TENM4: variants seen among roughly 807,000 people sequenced by gnomAD.
The protein encoded by TENM4 is teneurin-4.
Under a neutral mutation model 243.3 loss-of-function variants are expected in TENM4, and 82 were observed. The ratio of observed to expected loss-of-function variants is 0.34; its 90% CI spans 0.28 to 0.40. The LOEUF is 0.40. Among genes scored for constraint, TENM4 ranks in the 10% least tolerant of loss-of-function variants. The pLI, the probability that TENM4 is intolerant of heterozygous loss-of-function variation, is 1.00. For synonymous variants in TENM4, 1,412 were observed against 1,456.3 expected (o/e 0.97, Z 0.69); for missense variants, 3,138 against 3,673.3 (o/e 0.85, Z 3.77).
intron 27 of TENM4, among the ~76,000 whole-genome samples, chr11:78,704,159 C>CTATATATATATATATATATA (rs56026926): frequency 6.1e-4 from 65 of 106,006 alleles, no homozygotes; most frequent in Non-Finnish European, 9.2e-4. Context: ...GTATGTGTGT[C>CTATATATATATATATATATA]TATATATATA....
intron 6 of TENM4, among the ~76,000 whole-genome samples, chr11:79,055,417 T>A (rs1859917954): frequency 1.3e-5 from 2 of 152,016 alleles, no homozygotes; most frequent in South Asian, 4.2e-4. Flanking sequence ...AATTTTTGTA[T>A]TTTTAGTAGA....
intron 16 of TENM4, among the ~76,000 whole-genome samples, chr11:78,781,509 C>T (rs892067378): frequency 6.6e-6 from 1 of 152,178 alleles, no homozygotes. Flanking sequence ...TCTCTTTGGC[C>T]TTTCTCTGAT....
intron 25 of TENM4, among the ~76,000 whole-genome samples, chr11:78,714,326 G>C (rs1859471612): frequency 6.6e-6 from 1 of 152,138 alleles, no homozygotes; most frequent in Non-Finnish European, 1.5e-5. Flanking sequence ...GGCCCTGGCA[G>C]GTTTGTCATT....
intron 4 of TENM4, among the ~76,000 whole-genome samples, chr11:79,113,392 GGTGTGTGTGTGTGTGT>G (rs113144339): frequency 6.9e-6 from 1 of 145,082 alleles, no homozygotes; most frequent in Non-Finnish European, 1.5e-5. Context: ...CTATTGGATT[GGTGTGTGTGTGTGTGT>G]GTGTGTGTGT....
At chr11:79,105,813 T>C (rs1019721387) in intron 4 of TENM4, among the ~76,000 whole-genome samples, 4 of 152,266 alleles carry the variant, frequency 2.6e-5, no homozygotes, top group African/African-American at 9.6e-5. Flanking sequence ...GTAACAGTGT[T>C]GCTGGCTGGT....
chr11:78,748,611 G>C (rs776183948), intron 19 of TENM4, among the ~76,000 whole-genome samples: 1 of 152,196 alleles, frequency 6.6e-6, no homozygotes, highest in African/African-American at 2.4e-5. Flanking sequence ...AGAGCCAACT[G>C]GGCGTGGCTT....
intron 6 of TENM4, among the ~76,000 whole-genome samples, chr11:78,944,509 G>A (rs1408441490): frequency 1.3e-5 from 2 of 152,144 alleles, no homozygotes; most frequent in Non-Finnish European, 2.9e-5. Context: ...TAGCTTGAAG[G>A]GCTAGGCTAA....
chr11:79,244,924 G>A (rs1157256141), intron 2 of TENM4, among the ~76,000 whole-genome samples: 1 of 152,176 alleles, frequency 6.6e-6, no homozygotes. Flanking sequence ...TTCTTTAATG[G>A]TGGGCTCACC....
intron 2 of TENM4, among the ~76,000 whole-genome samples, chr11:79,293,105 A>G (rs140680178): frequency 6.6e-6 from 1 of 151,864 alleles, no homozygotes; most frequent in Admixed American, 6.6e-5. Flanking sequence ...ATGGGTGACA[A>G]CCATTTTTTG....
At chr11:79,060,866 C>T (rs1314364370) in intron 6 of TENM4, among the ~76,000 whole-genome samples, 3 of 152,180 alleles carry the variant, frequency 2.0e-5, no homozygotes, top group Non-Finnish European at 4.4e-5. Context: ...GAAGTGACCA[C>T]ACTGTGATGT....
chr11:79,392,372 C>T (rs558346924), intron 1 of TENM4, among the ~76,000 whole-genome samples: 39 of 152,304 alleles, frequency 2.6e-4, no homozygotes, highest in Admixed American at 9.8e-4. Flanking sequence ...TTAGGAGATA[C>T]GCACGTTGTG....
intron 25 of TENM4, among the ~76,000 whole-genome samples, chr11:78,713,793 C>T (rs1859457270): frequency 6.6e-6 from 1 of 152,130 alleles, no homozygotes; most frequent in Non-Finnish European, 1.5e-5. Context: ...TAGTAGATAT[C>T]TCTTATTAAG....
rs1857722826 is a variant in TENM4, at chr11:78,978,671, C to T, written c.494-75148G>A. The stretch of plus-strand genomic sequence containing the variant: ...CTAATAAGAAGGCTGGTCACTCTGA[C>T]CAAGGGCACTAGATTGGGAAAAAAA... On this transcript the variant is annotated intron_variant, in intron 6 of 33. Coordinates refer to ENST00000278550, the MANE Select transcript of TENM4 (RefSeq NM_001098816.3). 2.6e-5 allele frequency among the ~76,000 whole-genome samples: 4 copies of T among 152,080 alleles called. No individual in the cohort carries two copies. In the South Asian group the frequency reaches 6.2e-4, roughly 24 times the overall value.
chr11:79,212,071 C>T (rs191751408), intron 3 of TENM4, among the ~76,000 whole-genome samples: 2 of 152,316 alleles, frequency 1.3e-5, no homozygotes, highest in East Asian at 1.9e-4. Flanking sequence ...CCTAAACAGA[C>T]GACTCAGTCT....
intron 1 of TENM4, among the ~76,000 whole-genome samples, chr11:79,422,454 T>C (rs1266351323): frequency 1.3e-5 from 2 of 152,106 alleles, no homozygotes; most frequent in African/African-American, 2.4e-5. Flanking sequence ...TCATCTATAA[T>C]ACCTGTCACC....
At chr11:79,179,415 G>A (rs1863238093) in intron 3 of TENM4, among the ~76,000 whole-genome samples, 1 of 152,202 alleles carries the variant, frequency 6.6e-6, no homozygotes, top group South Asian at 2.1e-4. Flanking sequence ...TTGTGACAGA[G>A]TCCCAACAAA....
At chr11:79,300,537 C>T (rs1327684867) in intron 1 of TENM4, among the ~76,000 whole-genome samples, 1 of 152,162 alleles carries the variant, frequency 6.6e-6, no homozygotes, top group Non-Finnish European at 1.5e-5. Context: ...CTGCTCCTCA[C>T]CCGAGTGTAT....
At position 79,246,005 on chromosome 11, in the gene TENM4, G is replaced by A. The variant is rs182163630; in HGVS notation, c.-264-30096C>T. 4.2e-5 allele frequency among the ~76,000 whole-genome samples: 6 copies of A among 144,504 alleles called. No individual in the cohort carries two copies. The South Asian group carries it at 1.1e-3, about 27-fold the overall frequency. The allele number at this position is 144,504 out of a possible 152,430, so 94.8% of individuals were successfully genotyped here. On this transcript the variant is annotated intron_variant, in intron 2 of 33. Coordinates refer to ENST00000278550, the MANE Select transcript of TENM4 (RefSeq NM_001098816.3). ...AAAACAGGAGATCCTAAATCTAAAA[G>A]AGAGAGTGAGTGAGAGAGAAAAAGA...
chr11:79,212,656 G>A (rs1565252320), intron 3 of TENM4, among the ~76,000 whole-genome samples: 1 of 152,232 alleles, frequency 6.6e-6, no homozygotes. Flanking sequence ...AGGTGTGAGA[G>A]GTGAGGCCGT....
Sources: allele counts gnomAD v4.1 joint callset (sites outside exome capture counted in the v4.1 genomes callset), GRCh38; gene constraint gnomAD v4.1.1; transcripts MANE v1.5; gene names NCBI Gene and HGNC (gene_info 2026-07-23, HGNC 2026-07-21).